PKN2: variants seen among roughly 807,000 people sequenced by gnomAD.
PKN2 encodes the protein serine/threonine-protein kinase N2.
PKN2 carries 38 observed loss-of-function variants against 119.1 expected under a neutral mutation model. That is an observed-to-expected ratio of 0.32 (90% CI 0.25 to 0.42). The LOEUF (loss-of-function observed/expected upper bound fraction) is 0.42, where lower values mean the gene tolerates loss of function less well. PKN2 is among the 10% of genes least tolerant of loss of function. The pLI is 1.00. For synonymous variants in PKN2, 390 were observed against 384.9 expected, an observed-to-expected ratio of 1.01 and a Z score of -0.15; for missense variants, 850 against 1,165.1, an observed-to-expected ratio of 0.73 and a Z score of 3.94.
At chr1:88,727,691 T>G (rs1161689656) in intron 1 of PKN2, among the ~76,000 whole-genome samples, 22 of 152,254 alleles carry the variant, frequency 1.4e-4, no homozygotes, top group Non-Finnish European at 4.4e-5. Flanking sequence ...ATATCACTCT[T>G]TTTTTGTTTT....
At chr1:88,712,472 G>GAAT (rs1417525335) in intron 1 of PKN2, among the ~76,000 whole-genome samples, 2 of 152,100 alleles carry the variant, frequency 1.3e-5, no homozygotes, top group Non-Finnish European at 2.9e-5. Flanking sequence ...GGTGGAATAT[G>GAAT]ACTTCTGTAG....
In PKN2 at chr1:88,698,390, T is replaced by A. The variant is rs181444800; in HGVS notation, c.48+13762T>A. Among the ~76,000 whole-genome samples, 47 of 152,254 alleles carry A rather than the reference T, an allele frequency of 3.1e-4. No individual in the cohort carries two copies. The East Asian group carries it at 9.1e-3, about 29-fold the overall frequency. ...GCATAAACAATGTCCTCAACAAGTT[T>A]TACAGTAAACAAGAAAATATTCTTT... On this transcript the variant is annotated intron_variant, in intron 1 of 21. Transcript: ENST00000370521.
At chr1:88,709,085 G>T (rs1489500340) in intron 1 of PKN2, among the ~76,000 whole-genome samples, 5 of 150,034 alleles carry the variant, frequency 3.3e-5, no homozygotes, top group African/African-American at 1.2e-4. Context: ...ACAGAGTTTT[G>T]TTCTGCCACC....
chr1:88,740,273 T>G (rs1668526102), intron 1 of PKN2, among the ~76,000 whole-genome samples: 2 of 152,128 alleles, frequency 1.3e-5, no homozygotes, highest in South Asian at 4.1e-4. Flanking sequence ...CTAGTACATT[T>G]AATTCATTAA....
In PKN2 at chr1:88,692,596, G is replaced by A. The variant is rs140803913; in HGVS notation, c.48+7968G>A. On this transcript the variant is annotated intron_variant, in intron 1 of 21. Transcript: ENST00000370521. ...TGTTGCCTTATTGTGGTCTTGATGC[G>A]CATTTTCCTGGTTATCACTGATGTA... Among the ~76,000 whole-genome samples, 11 of 152,172 alleles carry A rather than the reference G, an allele frequency of 7.2e-5. No homozygotes were observed. In the East Asian group the frequency reaches 2.1e-3, roughly 29 times the overall value.
At position 88,688,992 on chromosome 1, in the gene PKN2, T is replaced by C. The variant is rs147248990; in HGVS notation, c.48+4364T>C. On this transcript the variant is annotated intron_variant, in intron 1 of 21. Transcript: ENST00000370521. ...AGGGATTTCTATAGTAGTTACATCATTCTTCCATATAGCACACTGGTAGTT... is the reference window on the plus strand; with the variant it reads ...AGGGATTTCTATAGTAGTTACATCACTCTTCCATATAGCACACTGGTAGTT... Among the ~76,000 whole-genome samples the C allele has an allele frequency of 3.7e-3, 569 of 152,348 alleles. 4 individuals carry two copies. Among genetic ancestry groups the C allele is most frequent in the African/African-American group, 0.013 (550 of 41,582 alleles).
chr1:88,758,492 T>C (rs926105510), intron 2 of PKN2, among the ~76,000 whole-genome samples: 1 of 152,290 alleles, frequency 6.6e-6, no homozygotes, highest in South Asian at 2.1e-4. Context: ...TTAAGCCTAG[T>C]ACTCCATAGT....
chr1:88,752,808 C>T (rs1243661164), intron 2 of PKN2, among the ~76,000 whole-genome samples: 1 of 151,974 alleles, frequency 6.6e-6, no homozygotes, highest in Non-Finnish European at 1.5e-5. Context: ...AAATATGTTT[C>T]TTAAAATAGC....
chr1:88,703,541 G>T (rs1386341897), intron 1 of PKN2, among the ~76,000 whole-genome samples: 2 of 152,064 alleles, frequency 1.3e-5, no homozygotes, highest in South Asian at 4.1e-4. Context: ...TCTAAATCCA[G>T]GCTAATGATC....
chr1:88,742,841 AAG>A (rs1426018198), intron 2 of PKN2, among the ~76,000 whole-genome samples: 2 of 152,288 alleles, frequency 1.3e-5, no homozygotes, highest in East Asian at 3.9e-4. Flanking sequence ...TGGGATATAG[AAG>A]AGTTTTATCA....
chr1:88,831,539 T>A (rs1672733973), intron 19 of PKN2, among the ~76,000 whole-genome samples: 1 of 152,002 alleles, frequency 6.6e-6, no homozygotes, highest in Non-Finnish European at 1.5e-5. Flanking sequence ...AGTGAGTGAA[T>A]GAACAAACTA....
intron 1 of PKN2, among the ~76,000 whole-genome samples, chr1:88,705,668 A>T (rs1291400214): frequency 6.6e-6 from 1 of 152,184 alleles, no homozygotes; most frequent in Non-Finnish European, 1.5e-5. Flanking sequence ...CCTGCACTCC[A>T]GCCTGGGTGA....
chr1:88,779,512 G>A (rs1447367552), intron 6 of PKN2, among the ~76,000 whole-genome samples: 8 of 150,614 alleles, frequency 5.3e-5, no homozygotes, highest in African/African-American at 2.0e-4. Context: ...TATGTGATCT[G>A]ATCTGTACCA....
At chr1:88,799,890 C>G (rs1389186606) in intron 8 of PKN2, among the ~76,000 whole-genome samples, 1 of 152,164 alleles carries the variant, frequency 6.6e-6, no homozygotes, top group Non-Finnish European at 1.5e-5. Context: ...TGCTAGGACC[C>G]TCACTGATAA....
At chr1:88,758,222 C>G (rs563414544) in intron 2 of PKN2, among the ~76,000 whole-genome samples, 2 of 151,744 alleles carry the variant, frequency 1.3e-5, no homozygotes. Flanking sequence ...ATTAATAGTT[C>G]CCATTTTTAT....
chr1:88,684,854 T>G, intron 1 of PKN2: 1 of 485,050 alleles, frequency 2.1e-6, no homozygotes, highest in Non-Finnish European at 3.6e-6. Context: ...TTTGGTTTGA[T>G]TCTGCCTACC....
chr1:88,705,911 G>A (rs532181854), intron 1 of PKN2, among the ~76,000 whole-genome samples: 9 of 151,672 alleles, frequency 5.9e-5, no homozygotes, highest in South Asian at 2.1e-4. Flanking sequence ...TATAAGTCTC[G>A]GAATCTGGGA....
intron 1 of PKN2, among the ~76,000 whole-genome samples, chr1:88,739,695 C>T (rs570996791): frequency 1.3e-5 from 2 of 152,002 alleles, no homozygotes; most frequent in Non-Finnish European, 2.9e-5. Flanking sequence ...ATTTTAAATC[C>T]AATGGTATTA....
chr1:88,815,295 G>GT (rs1671939217), intron 16 of PKN2: 1 of 179,438 alleles, frequency 5.6e-6, no homozygotes, highest in Non-Finnish European at 1.2e-5. Context: ...CTGCATTACA[G>GT]AACTCCAAAT....
Sources: gnomAD v4.1 joint callset for allele counts (sites outside exome capture counted in the v4.1 genomes callset) on GRCh38, gnomAD v4.1.1 for gene constraint, MANE v1.5 for transcripts, NCBI Gene and HGNC (gene_info 2026-07-23, HGNC 2026-07-21) for gene names.